The following ARL15 variants were observed in gnomAD, a reference collection of about 807,000 sequenced individuals.
The protein encoded by ARL15 is ARF like GTPase 15.
In ARL15, 19 loss-of-function variants were observed where a neutral mutation model predicts 25.2. That is an observed-to-expected ratio of 0.75 (90% CI 0.53 to 1.10). The LOEUF (loss-of-function observed/expected upper bound fraction) is 1.10. Among genes scored for constraint, ARL15 ranks in the 50% least tolerant of loss-of-function variants. The pLI is 0.00. For synonymous variants in ARL15, 94 were observed against 86.8 expected, an observed-to-expected ratio of 1.08 and a Z score of -0.46; for missense variants, 220 against 246.0, an observed-to-expected ratio of 0.89 and a Z score of 0.71.
intron 1 of ARL15, among the ~76,000 whole-genome samples, chr5:54,238,149 G>A (rs747311888): frequency 2.6e-5 from 4 of 152,124 alleles, no homozygotes; most frequent in African/African-American, 7.2e-5. Flanking sequence ...CCACCCCTGA[G>A]TTTAACAAAG....
chr5:54,214,189 C>A (rs370427754), intron 1 of ARL15, among the ~76,000 whole-genome samples: 3 of 152,150 alleles, frequency 2.0e-5, no homozygotes, highest in Non-Finnish European at 4.4e-5. Flanking sequence ...TAATAAGAAG[C>A]CTTCAGCTCC....
intron 4 of ARL15, among the ~76,000 whole-genome samples, chr5:54,002,156 G>A (rs1399621532): frequency 1.4e-5 from 2 of 138,872 alleles, no homozygotes; most frequent in African/African-American, 5.4e-5. Context: ...AGCATAGATA[G>A]AGAACTCAGA....
At chr5:54,145,574 C>T (rs867742042) in intron 3 of ARL15, among the ~76,000 whole-genome samples, 12 of 151,954 alleles carry the variant, frequency 7.9e-5, no homozygotes, top group Admixed American at 5.9e-4. Context: ...CATCACTCTC[C>T]CACCGAAGTA....
chr5:53,941,235 T>C (rs17309757), intron 4 of ARL15, among the ~76,000 whole-genome samples: 14,067 of 152,216 alleles, frequency 0.092, 745 homozygotes, highest in African/African-American at 0.12. Flanking sequence ...TTATACATCA[T>C]TAAACCATGG....
intron 1 of ARL15, among the ~76,000 whole-genome samples, chr5:54,249,641 A>G (rs1386800486): frequency 6.6e-6 from 1 of 151,086 alleles, no homozygotes; most frequent in Non-Finnish European, 1.5e-5. Context: ...ATCTGAGAGT[A>G]AGAAAGGAGA....
intron 4 of ARL15, among the ~76,000 whole-genome samples, chr5:53,982,370 G>A (rs1748152396): frequency 7.2e-6 from 1 of 138,034 alleles, no homozygotes; most frequent in African/African-American, 2.9e-5. Flanking sequence ...AGTATGTGAT[G>A]TTCCCCTTCC....
intron 4 of ARL15, 137 bp downstream of exon 4, chr5:54,113,062 GCTT>G: frequency 1.2e-6 from 1 of 808,220 alleles, no homozygotes; most frequent in Non-Finnish European, 1.9e-6. Flanking sequence ...TAGGCTTTCT[GCTT>G]CCTATGAAAA....
At chr5:54,003,406 G>T (rs1373151226) in intron 4 of ARL15, among the ~76,000 whole-genome samples, 1 of 152,158 alleles carries the variant, frequency 6.6e-6, no homozygotes, top group Non-Finnish European at 1.5e-5. Context: ...TTATCAGCCA[G>T]CCATTTCTCA....
intron 4 of ARL15, among the ~76,000 whole-genome samples, chr5:54,022,714 T>C (rs1749647183): frequency 6.6e-6 from 1 of 152,200 alleles, no homozygotes. Flanking sequence ...AGGCCCTTTT[T>C]TGAGTCTCAT....
chr5:54,266,786 A>G (rs1421682580), intron 1 of ARL15, among the ~76,000 whole-genome samples: 3 of 152,242 alleles, frequency 2.0e-5, no homozygotes, highest in African/African-American at 7.2e-5. Flanking sequence ...AGAAGATGAA[A>G]TGAACTTACA....
At chr5:53,908,374 T>C (rs1745340556) in intron 4 of ARL15, among the ~76,000 whole-genome samples, 1 of 152,228 alleles carries the variant, frequency 6.6e-6, no homozygotes, top group African/African-American at 2.4e-5. Flanking sequence ...TGAACTTTTT[T>C]TCCTCATCAT....
chr5:54,010,996 T>A (rs1282479872), intron 4 of ARL15, among the ~76,000 whole-genome samples: 1 of 118,290 alleles, frequency 8.5e-6, no homozygotes, highest in Non-Finnish European at 1.6e-5. Flanking sequence ...CAAGGCTCCG[T>A]CTCAAAAAAA....
chr5:54,033,080 C>A (rs1011230458), intron 4 of ARL15, among the ~76,000 whole-genome samples: 1 of 151,552 alleles, frequency 6.6e-6, no homozygotes, highest in Non-Finnish European at 1.5e-5. Context: ...GTACTCCTAG[C>A]ACTTTGGGAG....
intron 1 of ARL15, among the ~76,000 whole-genome samples, chr5:54,176,864 G>C (rs543231215): frequency 1.1e-4 from 16 of 152,274 alleles, no homozygotes; most frequent in African/African-American, 3.1e-4. Context: ...TATCTTAAGT[G>C]ACAGTTAGCT....
At chr5:53,964,945 C>T (rs560030005) in intron 4 of ARL15, among the ~76,000 whole-genome samples, 1 of 152,250 alleles carries the variant, frequency 6.6e-6, no homozygotes, top group African/African-American at 2.4e-5. Context: ...CCATTGTGCA[C>T]CTTGGTTTTC....
intron 4 of ARL15, among the ~76,000 whole-genome samples, chr5:54,057,071 AAG>A (rs1418637461): frequency 6.6e-6 from 1 of 152,146 alleles, no homozygotes; most frequent in African/African-American, 2.4e-5. Flanking sequence ...ATAAAAAAAA[AAG>A]AGGATAGAAA....
At chr5:54,077,473 G>T (rs1486592768) in intron 4 of ARL15, among the ~76,000 whole-genome samples, 1 of 152,150 alleles carries the variant, frequency 6.6e-6, no homozygotes, top group East Asian at 1.9e-4. Context: ...TAAATGTAAA[G>T]AACTCAAAAG....
chr5:54,084,004 C>T (rs1005293044), intron 4 of ARL15, among the ~76,000 whole-genome samples: 9 of 152,142 alleles, frequency 5.9e-5, no homozygotes, highest in South Asian at 2.1e-4. Context: ...ACACTGCCAG[C>T]GTTTATTCCA....
intron 3 of ARL15, among the ~76,000 whole-genome samples, chr5:54,133,918 G>T (rs1181349302): frequency 4.5e-4 from 69 of 152,168 alleles, no homozygotes; most frequent in Non-Finnish European, 1.8e-4. Flanking sequence ...AAAAACTAGA[G>T]AGGGCATAAA....
Sources: allele counts gnomAD v4.1 joint callset (sites outside exome capture counted in the v4.1 genomes callset), GRCh38; gene constraint gnomAD v4.1.1; transcripts MANE v1.5; gene names NCBI Gene and HGNC (gene_info 2026-07-23, HGNC 2026-07-21).